Variants in SPAG16 observed in about 807,000 individuals in gnomAD.
The protein encoded by SPAG16 is sperm-associated antigen 16 protein.
In SPAG16, 86 loss-of-function variants were observed where a neutral mutation model predicts 80.4. The observed-to-expected ratio is 1.07, with a 90% CI of 0.90 to 1.28. The LOEUF is 1.28. Ranked by LOEUF, SPAG16 falls within the 50% of genes most tolerant of loss-of-function variation. SPAG16 has a pLI of 0.00. For synonymous variants in SPAG16, 294 were observed against 265.9 expected, an observed-to-expected ratio of 1.11 and a Z score of -1.03; for missense variants, 870 against 765.3, an observed-to-expected ratio of 1.14 and a Z score of -1.61.
chr2:213,345,820 T>C (rs1422808743), intron 6 of SPAG16, among the ~76,000 whole-genome samples: 4 of 152,162 alleles, frequency 2.6e-5, no homozygotes, highest in Non-Finnish European at 5.9e-5. Context: ...AGCGTGATGC[T>C]TCCAGCTTTG....
chr2:213,711,896 C>A (rs531652785), intron 10 of SPAG16, among the ~76,000 whole-genome samples: 1 of 152,142 alleles, frequency 6.6e-6, no homozygotes, highest in East Asian at 1.9e-4. Flanking sequence ...GCTTAGTACA[C>A]AGTAGACATT....
intron 10 of SPAG16, among the ~76,000 whole-genome samples, chr2:213,752,867 C>G (rs1003388057): frequency 6.6e-6 from 1 of 152,160 alleles, no homozygotes; most frequent in East Asian, 1.9e-4. Context: ...TAGAGAGACT[C>G]CAGTTCCCTT....
chr2:213,712,256 CATTT>C (rs2066029384), intron 10 of SPAG16, among the ~76,000 whole-genome samples: 1 of 152,072 alleles, frequency 6.6e-6, no homozygotes, highest in African/African-American at 2.4e-5. Context: ...CATTTTCACT[CATTT>C]ATTATTTATT....
At chr2:213,631,192 T>A (rs2062137349) in intron 10 of SPAG16, among the ~76,000 whole-genome samples, 1 of 151,992 alleles carries the variant, frequency 6.6e-6, no homozygotes, top group African/African-American at 2.4e-5. Flanking sequence ...AAAAGAGAAG[T>A]ACCCCCCCAA....
chr2:213,299,102 T>C (rs1209606559), intron 3 of SPAG16, among the ~76,000 whole-genome samples: 1 of 152,174 alleles, frequency 6.6e-6, no homozygotes, highest in Non-Finnish European at 1.5e-5. Flanking sequence ...TATATTTTCT[T>C]CTCTGTTAAA....
chr2:213,470,618 C>A (rs547756943), intron 9 of SPAG16, among the ~76,000 whole-genome samples: 1 of 152,316 alleles, frequency 6.6e-6, no homozygotes, highest in East Asian at 1.9e-4. Context: ...GTGCCCATAG[C>A]CAGGTCAGCC....
intron 10 of SPAG16, among the ~76,000 whole-genome samples, chr2:213,656,393 A>T (rs2125165514): frequency 6.6e-6 from 1 of 152,228 alleles, no homozygotes; most frequent in African/African-American, 2.4e-5. Context: ...GATGGTCTCG[A>T]TCTCCTCCGC....
chr2:213,462,294 T>A (rs536251584), intron 9 of SPAG16, among the ~76,000 whole-genome samples: 1 of 152,340 alleles, frequency 6.6e-6, no homozygotes, highest in South Asian at 2.1e-4. Flanking sequence ...TGGAGTTAAT[T>A]TCAGCTGGAC....
chr2:213,825,002 T>C (rs1170365713), intron 10 of SPAG16, among the ~76,000 whole-genome samples: 2 of 152,198 alleles, frequency 1.3e-5, no homozygotes, highest in East Asian at 3.9e-4. Flanking sequence ...GAGATTACTT[T>C]CTTGATTTTT....
chr2:213,720,124 G>T (rs2066446926), intron 10 of SPAG16, among the ~76,000 whole-genome samples: 1 of 152,092 alleles, frequency 6.6e-6, no homozygotes, highest in African/African-American at 2.4e-5. Flanking sequence ...CTCATAAGTG[G>T]GATTTGAACA....
At chr2:213,768,027 G>A (rs147490029) in intron 10 of SPAG16, among the ~76,000 whole-genome samples, 1 of 152,264 alleles carries the variant, frequency 6.6e-6, no homozygotes, top group Non-Finnish European at 1.5e-5. Flanking sequence ...GCAATGGTGG[G>A]TAAGTTTGAC....
intron 15 of SPAG16, among the ~76,000 whole-genome samples, chr2:214,382,425 C>T (rs1358085603): frequency 6.6e-6 from 1 of 152,152 alleles, no homozygotes; most frequent in Non-Finnish European, 1.5e-5. Flanking sequence ...TTTGTGGGCC[C>T]CTATCCAGTG....
intron 11 of SPAG16, among the ~76,000 whole-genome samples, chr2:213,911,582 T>A (rs1463892512): frequency 1.3e-5 from 2 of 152,244 alleles, no homozygotes; most frequent in Non-Finnish European, 2.9e-5. Context: ...GCTTATTATT[T>A]GCAAATTATA....
intron 15 of SPAG16, among the ~76,000 whole-genome samples, chr2:214,347,248 G>A (rs1205819211): frequency 1.3e-5 from 2 of 152,056 alleles, no homozygotes; most frequent in Non-Finnish European, 2.9e-5. Context: ...TCTAGCTAAG[G>A]AGACATCTGA....
At chr2:213,894,872 C>A in intron 11 of SPAG16, among the ~76,000 whole-genome samples, 1 of 151,364 alleles carries the variant, frequency 6.6e-6, no homozygotes, top group African/African-American at 2.4e-5. Flanking sequence ...TGCCTGTAGT[C>A]CCAGATACTT....
chr2:214,014,255 C>G (rs1177487559), intron 13 of SPAG16, among the ~76,000 whole-genome samples, 178 bp downstream of exon 13: 1 of 152,054 alleles, frequency 6.6e-6, no homozygotes, highest in African/African-American at 2.4e-5. Context: ...TTCTGCCTTC[C>G]AAATGTGATC....
rs187056271 is a variant in SPAG16, at chr2:214,162,981, C to G, written c.1720+13715C>G. Among the ~76,000 whole-genome samples, 9 of 152,164 alleles carry G rather than the reference C, an allele frequency of 5.9e-5. No homozygotes were observed. In the East Asian group the frequency reaches 1.5e-3, roughly 26 times the overall value. On this transcript the variant is annotated intron_variant, in intron 15 of 15. Transcript: ENST00000331683. ...TGGTTGATTCAAAAAATTTATAGAA[C>G]TTTCAATTTAGCTTATTAACTAGTT...
chr2:214,266,402 G>A (rs1240309025), intron 15 of SPAG16, among the ~76,000 whole-genome samples: 1 of 151,582 alleles, frequency 6.6e-6, no homozygotes, highest in African/African-American at 2.4e-5. Flanking sequence ...CTTTATTTTT[G>A]GAGCAAACCT....
intron 6 of SPAG16, among the ~76,000 whole-genome samples, chr2:213,344,905 A>G (rs2064888845): frequency 1.3e-5 from 2 of 152,210 alleles, no homozygotes; most frequent in African/African-American, 4.8e-5. Flanking sequence ...CAGTAATGGG[A>G]TCGCTGGGTC....
Sources: allele counts gnomAD v4.1 joint callset (sites outside exome capture counted in the v4.1 genomes callset), GRCh38; gene constraint gnomAD v4.1.1; transcripts MANE v1.5; gene names NCBI Gene and HGNC (gene_info 2026-07-23, HGNC 2026-07-21).